The following BICD2 variants were observed in gnomAD, a reference collection of about 807,000 sequenced individuals.
The protein encoded by BICD2 is protein bicaudal D homolog 2.
BICD2 carries 25 observed loss-of-function variants against 72.9 expected under a neutral mutation model. The observed-to-expected ratio is 0.34, with a 90% CI of 0.25 to 0.48. BICD2 has a LOEUF of 0.48. BICD2 is among the 20% of genes least tolerant of loss of function. BICD2 has a pLI of 0.99. For missense variants in BICD2, 894 were observed against 1,175.2 expected (o/e 0.76, Z 3.50); for synonymous variants, 501 against 516.1 (o/e 0.97, Z 0.40).
rs759184736 is a variant in BICD2 at position 92,729,013 on chromosome 9, C to T, written c.453+11G>A. 10 of 1,612,710 alleles carry T rather than the reference C, an allele frequency of 6.2e-6. No homozygotes were observed. The highest frequency in any genetic ancestry group is 8.5e-6 in the Non-Finnish European group (10 of 1,179,212). On this transcript the variant is annotated intron_variant, in intron 2 of 6. Coordinates refer to ENST00000356884, the MANE Select transcript of BICD2 (RefSeq NM_001003800.2). ...TGCAGCCACAGACTAGGCCCCTCCTCACCCCCTCACCTCCTTCAGCTCCTG... is the reference window on the plus strand; with the variant it reads ...TGCAGCCACAGACTAGGCCCCTCCTTACCCCCTCACCTCCTTCAGCTCCTG...
At position 92,715,324 on chromosome 9, in the gene BICD2, C is replaced by G. The variant is rs1273239213; in HGVS notation, c.2398G>C (p.Glu800Gln). Residue 800 changes from glutamate (E) to glutamine (Q), a missense_variant, in exon 7 of 7, where the codon GAG becomes CAG. This residue lies in a region of BICD2 where 321 missense variants were observed against 443.9 expected (regional missense o/e 0.72). Coordinates refer to ENST00000356884, the MANE Select transcript of BICD2 (RefSeq NM_001003800.2). ...CGCCGGGTCTGCTCATGGTCCAGCT[C>G]GAGCAGCTCCAGCCGCTGGGTCAGC... ...LALTQRLELL[E>Q]LDHEQTRRGR... The G allele has an allele frequency of 4.3e-6, 7 of 1,612,912 alleles. No individual in the cohort carries two copies. The highest frequency in any genetic ancestry group is 2.2e-5 in the East Asian group (1 of 44,880).
In BICD2 at chr9:92,719,525, C is replaced by T. The variant is rs779406194; in HGVS notation, c.1120G>A (p.Glu374Lys). ...ATLQDTQKQLEHTRGSLSEQQ... is the reference protein window; with the variant it reads ...ATLQDTQKQLKHTRGSLSEQQ... ...TCTGACAGGGAGCCCCGCGTGTGCT[C>T]CAGCTGCTTCTGTGTGTCCTGCAGC... Residue 374 changes from glutamate (E) to lysine (K), a missense_variant, in exon 5 of 7, where the codon GAG (glutamate) becomes AAG (lysine). Coordinates refer to ENST00000356884, the MANE Select transcript of BICD2 (RefSeq NM_001003800.2). The T allele has an allele frequency of 5.6e-6, 9 of 1,613,184 alleles. No individual in the cohort carries two copies. Among genetic ancestry groups the T allele is most frequent in the Non-Finnish European group, 5.9e-6 (7 of 1,179,962 alleles).
intron 1 of BICD2, among the ~76,000 whole-genome samples, chr9:92,754,414 C>A (rs1854214385): frequency 6.6e-6 from 1 of 152,200 alleles, no homozygotes; most frequent in Admixed American, 6.5e-5. Context: ...ACAAAATTCT[C>A]ATCGTGTTCA....
chr9:92,720,847 C>G lies in BICD2; in HGVS notation c.607-92G>C. ...AAGAAAACACACCAGCACACCAACT[C>G]CGGCCACTATGAAGCAAAAGATGAA... is the stretch of plus-strand genomic sequence containing the variant. On this transcript the variant is annotated intron_variant, in intron 3 of 6. Coordinates refer to ENST00000356884, the MANE Select transcript of BICD2 (RefSeq NM_001003800.2). The surrounding 1 kb of genome is among the most constrained non-coding windows in gnomAD (Gnocchi z 5.4). 7.5e-7 allele frequency: 1 copy of G among 1,335,456 alleles called. No homozygotes were observed. Among genetic ancestry groups the G allele is most frequent in the South Asian group, 1.5e-5 (1 of 68,764 alleles). 82.7% of individuals were successfully genotyped at this position (1,335,456 alleles called of 1,614,324 possible). A position where few individuals can be genotyped will look rare whatever the true frequency, so the allele number is the denominator to read the frequency against.
chr9:92,757,312 C>CAAAAAAAAAAAAA (rs1169381290), intron 1 of BICD2, among the ~76,000 whole-genome samples: 6 of 52,738 alleles, frequency 1.1e-4, no homozygotes, highest in Non-Finnish European at 1.8e-4. Flanking sequence ...AGACTGTCTC[C>CAAAAAAAAAAAAA]AAAAAAAAAA....
At chr9:92,731,003 C>T (rs1345107979) in intron 1 of BICD2, among the ~76,000 whole-genome samples, 2 of 152,232 alleles carry the variant, frequency 1.3e-5, no homozygotes, top group African/African-American at 2.4e-5. Context: ...ACCTCATCCA[C>T]CCTGGCCAGC....
Position 92,722,783 on chromosome 9 carries a change from C to T in BICD2, c.479G>A (p.Arg160His), listed in dbSNP as rs138339539. 1.4e-5 allele frequency: 23 copies of T among 1,613,204 alleles called. No homozygotes were observed. Among genetic ancestry groups the T allele is most frequent in the East Asian group, 4.5e-5 (2 of 44,774 alleles). Reference sequence around the variant, plus strand: ...CTTGATGTCATCCCGCAGGCGGCCACGCTGGATCTCCACATTCTGGTTGAT... The same window carrying T: ...CTTGATGTCATCCCGCAGGCGGCCATGCTGGATCTCCACATTCTGGTTGAT... The part of the protein sequence containing the change: ...KEINQNVEIQ[R>H]GRLRDDIKEY... The change falls in exon 3 of 7, where the codon CGT becomes CAT. Residue 160 changes from arginine (R) to histidine (H), a missense_variant. Transcript: ENST00000356884.
At position 92,720,845 on chromosome 9, in the gene BICD2, C is replaced by T. The variant is rs1415783961; in HGVS notation, c.607-90G>A. On this transcript the variant is annotated intron_variant, in intron 3 of 6. Transcript: ENST00000356884. The surrounding 1 kb of genome is among the most constrained non-coding windows in gnomAD (Gnocchi z 5.4). ...TGAAGAAAACACACCAGCACACCAACTCCGGCCACTATGAAGCAAAAGATG... is the reference window on the plus strand; with the variant it reads ...TGAAGAAAACACACCAGCACACCAATTCCGGCCACTATGAAGCAAAAGATG... The T allele has an allele frequency of 1.5e-6, 2 of 1,341,026 alleles. No individual in the cohort carries two copies. The highest frequency in any genetic ancestry group is 4.9e-5 in the Admixed American group (2 of 40,854). The allele number at this position is 1,341,026 out of a possible 1,614,324, so 83.1% of individuals were successfully genotyped here.
At chr9:92,750,887 A>G (rs1348159642) in intron 1 of BICD2, among the ~76,000 whole-genome samples, 1 of 152,166 alleles carries the variant, frequency 6.6e-6, no homozygotes, top group East Asian at 1.9e-4. Context: ...ATGGGGGAAT[A>G]AAGTACTAAC....
At position 92,714,175 on chromosome 9, in the gene BICD2, C is replaced by T; in HGVS notation, c.*979G>A. 2.0e-6 allele frequency: 2 copies of T among 985,566 alleles called. No individual in the cohort carries two copies. Among genetic ancestry groups the T allele is most frequent in the Non-Finnish European group, 2.4e-6 (2 of 830,022 alleles). 61.1% of individuals were successfully genotyped at this position (985,566 alleles called of 1,614,324 possible). A position where few individuals can be genotyped will look rare whatever the true frequency, so the allele number is the denominator to read the frequency against. On this transcript the variant is annotated 3_prime_UTR_variant, in exon 7 of 7. Transcript: ENST00000356884. ...GCCCTGGCCCTATGCAAAGCTTTCCCAGCACCGGGCTGGGCTCTGGATACA... is the reference window on the plus strand; with the variant it reads ...GCCCTGGCCCTATGCAAAGCTTTCCTAGCACCGGGCTGGGCTCTGGATACA...
rs139412680 is a variant in BICD2 at position 92,758,722 on chromosome 9, C to T, written c.240+5783G>A. ...AAAAAAAATTAGCCGGGCATGGTGG[C>T]ACATGCCTATAATCCCAGCTACTAG... On this transcript the variant is annotated intron_variant, in intron 1 of 6. Transcript: ENST00000356884. Among the ~76,000 whole-genome samples, 22 of 151,988 alleles carry T rather than the reference C, an allele frequency of 1.4e-4. No homozygotes were observed. The East Asian group carries it at 4.3e-3, about 29-fold the overall frequency.
chr9:92,712,939 G>A lies in BICD2; in HGVS notation c.*2215C>T, dbSNP rs183893419. On this transcript the variant is annotated 3_prime_UTR_variant, in exon 7 of 7. Transcript: ENST00000356884. ...TCGCTGGGTCAAAGCACTCATCTCC[G>A]AGTCTAAAGCTACACGCTATGGAGC... 40 of 154,464 alleles carry A rather than the reference G, an allele frequency of 2.6e-4. No homozygotes were observed. The highest frequency in any genetic ancestry group is 1.1e-3 in the Admixed American group (18 of 15,676). The allele number at this position is 154,464 out of a possible 1,614,324, so 9.6% of individuals were successfully genotyped here. A position where few individuals can be genotyped will look rare whatever the true frequency, so the allele number is the denominator to read the frequency against.
intron 1 of BICD2, among the ~76,000 whole-genome samples, chr9:92,759,516 T>A (rs1019287403): frequency 2.0e-5 from 3 of 152,156 alleles, no homozygotes; most frequent in Non-Finnish European, 4.4e-5. Context: ...TGCCACTCAG[T>A]CCCCATCTCT....
At position 92,718,958 on chromosome 9, in the gene BICD2, C is replaced by T. The variant is rs916661191; in HGVS notation, c.1687G>A (p.Gly563Arg). ...MLDYYREGQG[G>R]AGRTSPGGRT... ...CCCCCGGGACTGGTGCGGCCGGCCC[C>T]GCCCTGGCCCTCGCGGTAGTAGTCC... The change falls in exon 5 of 7, where the codon GGG becomes AGG. Residue 563 changes from glycine (G) to arginine (R), a missense_variant. Around this residue, in one of 5 missense-constraint regions of BICD2, gnomAD observed 321 missense variants for 443.9 expected, o/e 0.72. Transcript: ENST00000356884. 9.3e-6 allele frequency: 15 copies of T among 1,609,876 alleles called. No individual in the cohort carries two copies. The highest frequency in any genetic ancestry group is 1.9e-4 in the Middle Eastern group (1 of 5,334).
rs1328967251 is a variant in BICD2 at position 92,712,945 on chromosome 9, A to T, written c.*2209T>A. 2 of 155,292 alleles carry T rather than the reference A, an allele frequency of 1.3e-5. No individual in the cohort carries two copies. Among genetic ancestry groups the T allele is most frequent in the Non-Finnish European group, 2.9e-5 (2 of 69,848 alleles). The allele number at this position is 155,292 out of a possible 1,614,324, so 9.6% of individuals were successfully genotyped here. On this transcript the variant is annotated 3_prime_UTR_variant, in exon 7 of 7. Coordinates refer to ENST00000356884, the MANE Select transcript of BICD2 (RefSeq NM_001003800.2). Reference sequence around the variant, plus strand: ...GGTCAAAGCACTCATCTCCGAGTCTAAAGCTACACGCTATGGAGCACACAG... The same window carrying T: ...GGTCAAAGCACTCATCTCCGAGTCTTAAGCTACACGCTATGGAGCACACAG...
chr9:92,713,526 T>C lies in BICD2; in HGVS notation c.*1628A>G, dbSNP rs187095678. ...CTGTCGCTTCCTGTTTATCTGACAATTGAAGCTCTCCACGTGCTGGGAGGG... is the reference window on the plus strand; with the variant it reads ...CTGTCGCTTCCTGTTTATCTGACAACTGAAGCTCTCCACGTGCTGGGAGGG... On this transcript the variant is annotated 3_prime_UTR_variant, in exon 7 of 7. Transcript: ENST00000356884. The C allele has an allele frequency of 3.7e-3, 5,834 of 1,561,348 alleles. 20 individuals carry two copies. Among genetic ancestry groups the C allele is most frequent in the Non-Finnish European group, 4.5e-3 (5,210 of 1,151,762 alleles).
At chr9:92,758,980 AGACCCT>A (rs1854319595) in intron 1 of BICD2, among the ~76,000 whole-genome samples, 1 of 152,156 alleles carries the variant, frequency 6.6e-6, no homozygotes, top group East Asian at 1.9e-4. Flanking sequence ...CAACACAGTG[AGACCCT>A]GACTCTACCA....
chr9:92,758,103 C>T (rs1169573220), intron 1 of BICD2, among the ~76,000 whole-genome samples: 2 of 151,938 alleles, frequency 1.3e-5, no homozygotes, highest in Non-Finnish European at 2.9e-5. Flanking sequence ...ACTCGGGAGG[C>T]TGAGGCAGGA....
At chr9:92,739,970 C>T (rs985560563) in intron 1 of BICD2, among the ~76,000 whole-genome samples, 8 of 152,102 alleles carry the variant, frequency 5.3e-5, no homozygotes, top group Non-Finnish European at 1.0e-4. Flanking sequence ...GGTTCTCAGG[C>T]CTATTAAGCT....
Sources: gnomAD v4.1 joint callset for allele counts (sites outside exome capture counted in the v4.1 genomes callset) on GRCh38, gnomAD v4.1.1 for gene constraint, gnomAD v4.1.1 regional missense constraint, Gnocchi (gnomAD v3.1) non-coding constraint, MANE v1.5 for transcripts, NCBI Gene and HGNC (gene_info 2026-07-23, HGNC 2026-07-21) for gene names.